The following KCTD14 variants were observed in gnomAD, a reference collection of about 807,000 sequenced individuals.
KCTD14 encodes the protein potassium channel tetramerization domain containing 14, also known as BTB/POZ domain-containing protein KCTD14.
KCTD14 carries 7 observed loss-of-function variants against 5.9 expected under a neutral mutation model. The observed-to-expected ratio is 1.19, with a 90% CI of 0.68 to 2.23. KCTD14 has a LOEUF of 2.23. Among genes scored for constraint, KCTD14 ranks in the 30% most tolerant of loss-of-function variants. KCTD14 has a pLI of 0.00. For synonymous variants in KCTD14, 140 were observed against 133.1 expected (o/e 1.05, Z -0.36); for missense variants, 342 against 332.2 (o/e 1.03, Z -0.23).
At chr11:78,037,258 C>G (rs1591193111) in intron 2 of KCTD14, among the ~76,000 whole-genome samples, 1 of 152,380 alleles carries the variant, frequency 6.6e-6, no homozygotes, top group African/African-American at 2.4e-5. Flanking sequence ...GGCACACGCC[C>G]TCCCAGCCCA....
intron 2 of KCTD14, among the ~76,000 whole-genome samples, chr11:78,029,934 A>G (rs1370244047): frequency 2.0e-5 from 3 of 151,610 alleles, no homozygotes; most frequent in Non-Finnish European, 4.4e-5. Flanking sequence ...GGCGCCCACC[A>G]CCACGCCTGG....
intron 2 of KCTD14, among the ~76,000 whole-genome samples, chr11:78,038,022 ACT>A (rs960608787): frequency 1.6e-4 from 24 of 147,234 alleles, no homozygotes; most frequent in African/African-American, 6.0e-4. Flanking sequence ...GTGCTACCTG[ACT>A]CTTGCCCCAG....
At chr11:78,025,264 T>C (rs1231940231), upstream of KCTD14, among the ~76,000 whole-genome samples, 4 of 151,308 alleles carry the variant, frequency 2.6e-5, 1 homozygote, top group Middle Eastern at 6.8e-3. Context: ...AATGAAGAAC[T>C]TGGAGTCTGA....
rs1469722751 is a variant in KCTD14 at position 78,016,909 on chromosome 11, AGCT to A, written c.449_451del (p.Glu150_Leu151delinsVal). The A allele has an allele frequency of 8.7e-6, 14 of 1,614,066 alleles. No homozygotes were observed. The highest frequency in any genetic ancestry group is 1.6e-4 in the Middle Eastern group (1 of 6,084). On this transcript the variant is annotated inframe_deletion, in exon 2 of 2. Coordinates refer to ENST00000353172, the MANE Select transcript of KCTD14 (RefSeq NM_023930.4). ...TTCTGCACGTGCCAGGCGCACCATG[AGCT>A]CCAGGTTCTCGCTGTAGCCCGGCAC...
At position 78,017,410 on chromosome 11, in the gene KCTD14, A is replaced by G. The variant is rs927879235; in HGVS notation, c.91-140T>C. 6.1e-6 allele frequency: 7 copies of G among 1,146,678 alleles called. No individual in the cohort carries two copies. In the African/African-American group the frequency reaches 9.4e-5, roughly 15 times the overall value. 71.0% of individuals were successfully genotyped at this position (1,146,678 alleles called of 1,614,324 possible). A position where few individuals can be genotyped will look rare whatever the true frequency, so the allele number is the denominator to read the frequency against. ...CAGCTAGTGAAAGGCCCATCTTACT[A>G]AAGAGGGTTATATTTATGCTGTGTT... is the stretch of plus-strand genomic sequence containing the variant. On this transcript the variant is annotated intron_variant, in intron 1 of 1. Transcript: ENST00000353172.
chr11:78,045,612 A>G (rs1565320194), intron 1 of KCTD14, among the ~76,000 whole-genome samples: 2 of 152,178 alleles, frequency 1.3e-5, no homozygotes, highest in Admixed American at 6.5e-5. Flanking sequence ...AGCTTGGCCT[A>G]AACCCAGGAG....
chr11:78,032,582 G>C (rs1057193832), intron 2 of KCTD14, among the ~76,000 whole-genome samples: 3 of 151,916 alleles, frequency 2.0e-5, no homozygotes, highest in Non-Finnish European at 4.4e-5. Context: ...AGGCATTCTG[G>C]CTTCAGGAAC....
chr11:78,032,228 T>C (rs1418433870), intron 2 of KCTD14, among the ~76,000 whole-genome samples: 1 of 152,178 alleles, frequency 6.6e-6, no homozygotes, highest in Admixed American at 6.5e-5. Context: ...CAAGCTCCTT[T>C]CTGGAGGGAG....
chr11:78,035,359 C>T (rs1193611084), intron 2 of KCTD14, among the ~76,000 whole-genome samples: 1 of 152,114 alleles, frequency 6.6e-6, no homozygotes, highest in African/African-American at 2.4e-5. Context: ...TTCCCGGGCC[C>T]TCTCCCTGTC....
intron 1 of KCTD14, among the ~76,000 whole-genome samples, chr11:78,045,433 C>T (rs1372329183): frequency 6.6e-6 from 1 of 152,176 alleles, no homozygotes; most frequent in Non-Finnish European, 1.5e-5. Context: ...GCATATCTTC[C>T]CTCTGCCTCT....
chr11:78,022,110 T>C (rs1296436923), intron 1 of KCTD14, among the ~76,000 whole-genome samples: 2 of 152,148 alleles, frequency 1.3e-5, no homozygotes, highest in Admixed American at 6.5e-5. Context: ...TGTTTCTTCA[T>C]TGACTGTGAG....
chr11:78,039,076 A>AG (rs1304562284), intron 1 of KCTD14, among the ~76,000 whole-genome samples: 3 of 151,710 alleles, frequency 2.0e-5, no homozygotes, highest in Non-Finnish European at 4.4e-5. Context: ...TACAAAAAAA[A>AG]AAAAAAAAAC....
chr11:78,017,342 G>T, intron 1 of KCTD14, 72 bp from the exon 2 acceptor site: 1 of 1,487,852 alleles, frequency 6.7e-7, no homozygotes, highest in Non-Finnish European at 8.9e-7. Flanking sequence ...TTATCCAAAG[G>T]ATAACTGGAT....
intron 2 of KCTD14, among the ~76,000 whole-genome samples, chr11:78,034,255 T>A (rs1857722640): frequency 6.6e-6 from 1 of 152,120 alleles, no homozygotes; most frequent in Non-Finnish European, 1.5e-5. Context: ...CCTGAGTAGC[T>A]GGAACTACAG....
chr11:78,018,399 G>GAAA (rs200847985), intron 1 of KCTD14, among the ~76,000 whole-genome samples: 1 of 151,162 alleles, frequency 6.6e-6, no homozygotes, highest in Admixed American at 6.6e-5. Flanking sequence ...TAGATTTAAG[G>GAAA]AAAAAAAATT....
chr11:78,023,098 G>T, intron 1 of KCTD14, 62 bp downstream of exon 1: 2 of 1,127,792 alleles, frequency 1.8e-6, no homozygotes, highest in Non-Finnish European at 2.5e-6. Context: ...GGAAGGGAGG[G>T]AAGAGGCGGA....
chr11:78,023,073 CG>C, intron 1 of KCTD14, 86 bp downstream of exon 1: 1 of 900,614 alleles, frequency 1.1e-6, no homozygotes, highest in Non-Finnish European at 1.7e-6. Flanking sequence ...CTGGGAGGGA[CG>C]GGCAGGAGAA....
In KCTD14 at chr11:78,016,093, C is replaced by T. The variant is rs7942125; in HGVS notation, c.*500G>A. 0.22 allele frequency: 34,989 copies of T among 155,548 alleles called. 4,498 individuals carry two copies. Among genetic ancestry groups the T allele is most frequent in the African/African-American group, 0.34 (14,128 of 41,488 alleles). 9.6% of individuals were successfully genotyped at this position (155,548 alleles called of 1,614,324 possible). A position where few individuals can be genotyped will look rare whatever the true frequency, so the allele number is the denominator to read the frequency against. ...TGCTGATGATGCACTTTGAAAACCT[C>T]CACTCTAGAGAAGAGGACAGCTCTG... On this transcript the variant is annotated 3_prime_UTR_variant, in exon 2 of 2. Coordinates refer to ENST00000353172, the MANE Select transcript of KCTD14 (RefSeq NM_023930.4).
chr11:78,035,810 A>G (rs2136747977), intron 2 of KCTD14, among the ~76,000 whole-genome samples: 1 of 129,178 alleles, frequency 7.7e-6, no homozygotes, highest in East Asian at 2.3e-4. Flanking sequence ...GTGCCACCAC[A>G]CTCTAGCCTG....
Sources: allele counts gnomAD v4.1 joint callset (sites outside exome capture counted in the v4.1 genomes callset), GRCh38; gene constraint gnomAD v4.1.1; transcripts MANE v1.5; gene names NCBI Gene and HGNC (gene_info 2026-07-23, HGNC 2026-07-21).